Variants in AFTPH observed in about 807,000 individuals in gnomAD.
AFTPH encodes aftiphilin protein.
AFTPH carries 7 observed loss-of-function variants against 72.5 expected under a neutral mutation model. The ratio of observed to expected loss-of-function variants is 0.10; its 90% confidence interval spans 0.05 to 0.18. The LOEUF is 0.18. Among genes scored for constraint, AFTPH ranks in the 10% least tolerant of loss-of-function variants. AFTPH has a pLI of 1.00. For synonymous variants in AFTPH, 337 were observed against 370.1 expected (o/e 0.91, Z 1.03); for missense variants, 979 against 1,060.5 (o/e 0.92, Z 1.07).
intron 7 of AFTPH, chr2:64,580,239 C>G (rs1448069846): frequency 6.6e-6 from 1 of 152,646 alleles, no homozygotes; most frequent in Non-Finnish European, 1.5e-5. Context: ...TTAAGTGGAT[C>G]CCAAGATGTA....
At position 64,553,693 on chromosome 2, in the gene AFTPH, C is replaced by A. The variant is rs1344467306; in HGVS notation, c.1935+284C>A. Among the ~76,000 whole-genome samples, 30 of 120,418 alleles carry A rather than the reference C, an allele frequency of 2.5e-4. 1 individual carries two copies. Among genetic ancestry groups the A allele is most frequent in the African/African-American group, 3.6e-5 (1 of 27,988 alleles). 79.0% of individuals were successfully genotyped at this position (120,418 alleles called of 152,430 possible). A position where few individuals can be genotyped will look rare whatever the true frequency, so the allele number is the denominator to read the frequency against. On this transcript the variant is annotated intron_variant, in intron 2 of 8. Transcript: ENST00000238856. Reference sequence around the variant, plus strand: ...TGGATTTTTTGGTGACTATAAATACCATATATGTTAAAAAAAAAAAAAAAA... The same window carrying A: ...TGGATTTTTTGGTGACTATAAATACAATATATGTTAAAAAAAAAAAAAAAA...
chr2:64,588,207 T>C (rs1475706006), intron 8 of AFTPH, among the ~76,000 whole-genome samples: 1 of 152,226 alleles, frequency 6.6e-6, no homozygotes, highest in African/African-American at 2.4e-5. Context: ...AATTCTATAG[T>C]CTGCAGCCTT....
chr2:64,545,948 A>G (rs193085529), intron 1 of AFTPH, among the ~76,000 whole-genome samples: 1 of 152,006 alleles, frequency 6.6e-6, no homozygotes, highest in Non-Finnish European at 1.5e-5. Flanking sequence ...ACTGGAGTGC[A>G]GTGGCACGAT....
exon 2 of AFTPH, chr2:64,551,679 C>A: frequency 6.2e-7 from 1 of 1,613,944 alleles, no homozygotes. Context: ...TATGCCAATT[C>A]ATGAATTCTC....
intron 7 of AFTPH, among the ~76,000 whole-genome samples, chr2:64,582,323 A>ACAGT (rs1373302520): frequency 6.6e-6 from 1 of 152,204 alleles, no homozygotes; most frequent in African/African-American, 2.4e-5. Context: ...GGGGAGACTA[A>ACAGT]CAGTCAGCTC....
At chr2:64,572,373 G>A (rs1431244408) in intron 5 of AFTPH, among the ~76,000 whole-genome samples, 2 of 152,152 alleles carry the variant, frequency 1.3e-5, no homozygotes, top group African/African-American at 4.8e-5. Context: ...CAAATATTAA[G>A]TTTACACTGA....
intron 2 of AFTPH, among the ~76,000 whole-genome samples, chr2:64,562,812 T>C (rs965848058): frequency 6.6e-6 from 1 of 152,246 alleles, no homozygotes; most frequent in African/African-American, 2.4e-5. Flanking sequence ...TTGCTGAATT[T>C]AGGCTCCCAC....
chr2:64,537,723 A>G (rs1669972268), intron 1 of AFTPH, among the ~76,000 whole-genome samples: 1 of 152,256 alleles, frequency 6.6e-6, no homozygotes, highest in African/African-American at 2.4e-5. Context: ...TGAAGGTAGT[A>G]TGAATTTGAA....
In AFTPH at chr2:64,555,989, C is replaced by CTTT. The variant is rs774669104; in HGVS notation, c.1935+2593_1935+2595dup. On this transcript the variant is annotated intron_variant, in intron 2 of 8. Coordinates refer to ENST00000238856, the Ensembl canonical transcript of AFTPH. ...TGTTTGGAACAGCACGAATTCCTCA[C>CTTT]TTTTTTTTTTTTTTTGGAGACAGAA... 2.8e-4 allele frequency among the ~76,000 whole-genome samples: 37 copies of CTTT among 134,096 alleles called. 1 individual carries two copies. The highest frequency in any genetic ancestry group is 3.8e-3 in the Middle Eastern group (1 of 264). The allele number at this position is 134,096 out of a possible 152,430, so 88.0% of individuals were successfully genotyped here.
At chr2:64,575,083 A>AT (rs914181354) in intron 6 of AFTPH, among the ~76,000 whole-genome samples, 25 of 152,108 alleles carry the variant, frequency 1.6e-4, no homozygotes, top group African/African-American at 6.0e-4. Context: ...TTACAACCCC[A>AT]TAAACTATTG....
At chr2:64,572,873 T>C in intron 5 of AFTPH, 73 bp from the exon 6 acceptor site, 1 of 1,567,190 alleles carries the variant, frequency 6.4e-7, no homozygotes, top group East Asian at 2.2e-5. Flanking sequence ...TACCTTCTTC[T>C]TTCTGATAGA....
chr2:64,555,934 T>C (rs1451588327), intron 2 of AFTPH, among the ~76,000 whole-genome samples: 1 of 152,094 alleles, frequency 6.6e-6, no homozygotes, highest in African/African-American at 2.4e-5. Context: ...GTATTTTTCT[T>C]AAAATGTTTT....
intron 6 of AFTPH, among the ~76,000 whole-genome samples, chr2:64,573,772 C>T (rs1422490696): frequency 6.6e-6 from 1 of 152,110 alleles, no homozygotes; most frequent in East Asian, 1.9e-4. Flanking sequence ...ATTCTCCTGC[C>T]TCAGCCTCCC....
At chr2:64,564,314 T>C (rs1671920673) in intron 2 of AFTPH, among the ~76,000 whole-genome samples, 1 of 152,198 alleles carries the variant, frequency 6.6e-6, no homozygotes, top group African/African-American at 2.4e-5. Context: ...GCAAGCCCCC[T>C]GTGTCTGTAT....
intron 1 of AFTPH, among the ~76,000 whole-genome samples, chr2:64,546,230 G>A (rs1197136553): frequency 1.3e-5 from 2 of 151,576 alleles, no homozygotes; most frequent in South Asian, 2.1e-4. Flanking sequence ...CAAAGTCTGC[G>A]AACAATAATG....
intron 1 of AFTPH, among the ~76,000 whole-genome samples, chr2:64,541,373 T>C (rs1268538294): frequency 6.6e-6 from 1 of 152,152 alleles, no homozygotes; most frequent in Non-Finnish European, 1.5e-5. Context: ...GCTGGCAAGT[T>C]AATTAGAGGC....
chr2:64,574,203 TTGTCATTTCTTAACCTTAGA>T (rs1672633978), intron 6 of AFTPH, among the ~76,000 whole-genome samples: 1 of 152,252 alleles, frequency 6.6e-6, no homozygotes, highest in South Asian at 2.1e-4. Flanking sequence ...TTGCCATGTT[TTGTCATTTCTTAACCTTAGA>T]TGTCATTTTT....
chr2:64,554,196 T>C (rs548870532), intron 2 of AFTPH, among the ~76,000 whole-genome samples: 2 of 152,326 alleles, frequency 1.3e-5, no homozygotes, highest in South Asian at 2.1e-4. Context: ...CTATACATTA[T>C]CCTTTTTTGA....
At chr2:64,527,504 C>T (rs1243953931) in intron 1 of AFTPH, among the ~76,000 whole-genome samples, 2 of 151,026 alleles carry the variant, frequency 1.3e-5, no homozygotes, top group African/African-American at 2.4e-5. Context: ...CGCTTGAACC[C>T]GGGAGGCGGA....
Sources: gnomAD v4.1 joint callset for allele counts (sites outside exome capture counted in the v4.1 genomes callset) on GRCh38, gnomAD v4.1.1 for gene constraint, MANE v1.5 for transcripts, NCBI Gene and HGNC (gene_info 2026-07-23, HGNC 2026-07-21) for gene names.